The following SCAP variants were observed in gnomAD, a reference collection of about 807,000 sequenced individuals.
SCAP encodes sterol regulatory element-binding protein cleavage-activating protein.
A neutral mutation model predicts 123.6 loss-of-function variants in SCAP; 65 were observed. That is an observed-to-expected ratio of 0.53 (90% CI 0.43 to 0.65). The LOEUF (loss-of-function observed/expected upper bound fraction) is 0.65, where lower values mean the gene tolerates loss of function less well. Ranked by LOEUF, SCAP falls within the 30% of genes least tolerant of loss-of-function variation. The pLI is 0.00. For missense variants in SCAP, 1,398 were observed against 1,712.5 expected (o/e 0.82, Z 3.24); for synonymous variants, 740 against 726.3 (o/e 1.02, Z -0.30).
intron 1 of SCAP, among the ~76,000 whole-genome samples, chr3:47,446,183 T>G (rs911259268): frequency 6.6e-6 from 1 of 150,668 alleles, no homozygotes; most frequent in Non-Finnish European, 1.5e-5. Flanking sequence ...AACCTTTTTT[T>G]TTTTTTTTGA....
intron 16 of SCAP, 124 bp downstream of exon 16, chr3:47,418,010 G>A (rs1413290160): frequency 1.8e-5 from 10 of 570,518 alleles, no homozygotes; most frequent in Non-Finnish European, 2.8e-5. Flanking sequence ...GGGGTGGGGG[G>A]AGAGGGGGCC....
intron 21 of SCAP, 84 bp downstream of exon 21, chr3:47,414,488 A>C (rs758398161): frequency 6.3e-5 from 101 of 1,599,132 alleles, no homozygotes; most frequent in Non-Finnish European, 7.9e-5. Flanking sequence ...TGCTTCCTGG[A>C]AGGCCCCTGG....
Position 47,449,710 on chromosome 3 carries a change from G to A in SCAP, c.-98-6619C>T, listed in dbSNP as rs1707175270. ...AGCACACATTTCCAGGTTTGGGGCT[G>A]ACTTTAAGTGCAGGCTGGAAAATAT... is the stretch of plus-strand genomic sequence containing the variant. On this transcript the variant is annotated intron_variant, in intron 1 of 22. Transcript: ENST00000265565. Among the ~76,000 whole-genome samples, 2 of 124,446 alleles carry A rather than the reference G, an allele frequency of 1.6e-5. 1 individual carries two copies. The allele number at this position is 124,446 out of a possible 152,430, so 81.6% of individuals were successfully genotyped here. A position where few individuals can be genotyped will look rare whatever the true frequency, so the allele number is the denominator to read the frequency against.
At chr3:47,430,749 T>C (rs966951206) in intron 3 of SCAP, among the ~76,000 whole-genome samples, 2 of 152,276 alleles carry the variant, frequency 1.3e-5, no homozygotes, top group African/African-American at 4.8e-5. Context: ...AACATGGCCC[T>C]AGACAGCGGT....
intron 7 of SCAP, 29 bp downstream of exon 7, chr3:47,425,968 A>G: frequency 6.2e-7 from 1 of 1,612,880 alleles, no homozygotes; most frequent in East Asian, 2.2e-5. Flanking sequence ...GCTTGGAGAA[A>G]GCCCTCAGCC....
In SCAP at chr3:47,475,826, G is replaced by T; in HGVS notation, c.-126C>A. 3 of 154,970 alleles carry T rather than the reference G, an allele frequency of 1.9e-5. No individual in the cohort carries two copies. The highest frequency in any genetic ancestry group is 1.8e-4 in the South Asian group (1 of 5,630). 9.6% of individuals were successfully genotyped at this position (154,970 alleles called of 1,614,324 possible). On this transcript the variant is annotated 5_prime_UTR_variant, in exon 1 of 23. Transcript: ENST00000265565. ...GTGGTGGCAGCACCTCCCAAGCTGC[G>T]GCGGCGGCGGCGGCGGCGACGGGGG...
At position 47,413,709 on chromosome 3, in the gene SCAP, A is replaced by G; in HGVS notation, c.*145T>C. On this transcript the variant is annotated 3_prime_UTR_variant, in exon 23 of 23. Transcript: ENST00000265565. Reference sequence around the variant, plus strand: ...CTCCCAAAGTGCCTGACAGATGATGATATGGTTTTTTAAAAAAGTTTAATA... The same window carrying G: ...CTCCCAAAGTGCCTGACAGATGATGGTATGGTTTTTTAAAAAAGTTTAATA... 8.9e-7 allele frequency: 1 copy of G among 1,121,610 alleles called. No individual in the cohort carries two copies. The highest frequency in any genetic ancestry group is 1.3e-6 in the Non-Finnish European group (1 of 788,260). 69.5% of individuals were successfully genotyped at this position (1,121,610 alleles called of 1,614,324 possible). A position where few individuals can be genotyped will look rare whatever the true frequency, so the allele number is the denominator to read the frequency against.
At chr3:47,428,182 G>A (rs28580090) in intron 4 of SCAP, among the ~76,000 whole-genome samples, 1,638 of 152,172 alleles carry the variant, frequency 0.011, 33 homozygotes, top group African/African-American at 0.038. Flanking sequence ...CTTGCTTCTC[G>A]TCGGCAGAGA....
intron 1 of SCAP, among the ~76,000 whole-genome samples, chr3:47,452,285 A>G (rs1233035270): frequency 6.6e-6 from 1 of 152,184 alleles, no homozygotes; most frequent in Admixed American, 6.6e-5. Flanking sequence ...GCTACTCAGG[A>G]GACTGAGGTG....
chr3:47,472,160 G>A lies in SCAP; in HGVS notation c.-99+3639C>T, dbSNP rs1325481566. On this transcript the variant is annotated intron_variant, in intron 1 of 22. Transcript: ENST00000265565. ...TAATAATAATTAAATGGGGCCGGGCGCGGTGGCTCACGCCTGTAATCCCAG... is the reference window on the plus strand; with the variant it reads ...TAATAATAATTAAATGGGGCCGGGCACGGTGGCTCACGCCTGTAATCCCAG... Among the ~76,000 whole-genome samples the A allele has an allele frequency of 4.0e-5, 6 of 151,414 alleles. No homozygotes were observed. In the East Asian group the frequency reaches 5.9e-4, roughly 15 times the overall value.
chr3:47,438,654 A>G (rs1206201366), intron 2 of SCAP, among the ~76,000 whole-genome samples: 1 of 152,050 alleles, frequency 6.6e-6, no homozygotes, highest in Non-Finnish European at 1.5e-5. Context: ...TCTTTACTAA[A>G]AAAACAAAAA....
rs1489330746 is a variant in SCAP, at chr3:47,435,141, G to A, written c.123-4C>T. The A allele has an allele frequency of 2.5e-6, 4 of 1,611,080 alleles. No homozygotes were observed. Among genetic ancestry groups the A allele is most frequent in the African/African-American group, 1.3e-5 (1 of 74,730 alleles). ...GGGGAGTTTCAGCAGTGGGTAGCTG[G>A]GATGTACAAAAAGGAGATAAGAATT... On this transcript the variant is annotated splice_polypyrimidine_tract_variant and splice_region_variant and intron_variant, in intron 2 of 22. Coordinates refer to ENST00000265565, the MANE Select transcript of SCAP (RefSeq NM_012235.4).
rs150236966 is a variant in SCAP at position 47,433,534 on chromosome 3, G to C, written c.252+1474C>G. On this transcript the variant is annotated intron_variant, in intron 3 of 22. Coordinates refer to ENST00000265565, the MANE Select transcript of SCAP (RefSeq NM_012235.4). ...GGGCCAAATGAACTCTCCTAGTCAG[G>C]AAACACAAATATTCCCTTATGTGCT... is the stretch of plus-strand genomic sequence containing the variant. 6.5e-3 allele frequency among the ~76,000 whole-genome samples: 991 copies of C among 152,260 alleles called. 8 individuals are homozygous for C. The highest frequency in any genetic ancestry group is 0.011 in the Non-Finnish European group (729 of 68,016).
chr3:47,419,288 C>T lies in SCAP; in HGVS notation c.1940+40G>A, dbSNP rs1315512895. 2 of 1,572,496 alleles carry T rather than the reference C, an allele frequency of 1.3e-6. No homozygotes were observed. The highest frequency in any genetic ancestry group is 1.7e-6 in the Non-Finnish European group (2 of 1,157,094). ...TTGGGGAAAGGGGATGGTGAGTTGA[C>T]ACCATCGAGTGAGGTGGCACCTGGC... On this transcript the variant is annotated intron_variant, in intron 13 of 22. Coordinates refer to ENST00000265565, the MANE Select transcript of SCAP (RefSeq NM_012235.4). This position sits in a 1 kb window ranked among gnomAD's most constrained non-coding sequence, Gnocchi z 5.0.
At chr3:47,461,261 T>TGTATGTATGAATGA (rs1463339025) in intron 1 of SCAP, among the ~76,000 whole-genome samples, 1 of 152,230 alleles carries the variant, frequency 6.6e-6, no homozygotes, top group East Asian at 1.9e-4. Flanking sequence ...ATCTACATGG[T>TGTATGTATGAATGA]GCTCATTCCC....
Position 47,419,278 on chromosome 3 carries a change from G to A in SCAP, c.1940+50C>T, listed in dbSNP as rs777888657. ...GCCTCCTGCATTGGGGAAAGGGGAT[G>A]GTGAGTTGACACCATCGAGTGAGGT... is the stretch of plus-strand genomic sequence containing the variant. On this transcript the variant is annotated intron_variant, in intron 13 of 22. Transcript: ENST00000265565. This position sits in a 1 kb window ranked among gnomAD's most constrained non-coding sequence, Gnocchi z 5.0. The A allele has an allele frequency of 1.3e-5, 20 of 1,561,564 alleles. No homozygotes were observed. The highest frequency in any genetic ancestry group is 3.6e-5 in the South Asian group (3 of 82,822).
At chr3:47,441,551 T>A (rs2107905506) in intron 2 of SCAP, among the ~76,000 whole-genome samples, 1 of 152,234 alleles carries the variant, frequency 6.6e-6, no homozygotes, top group Non-Finnish European at 1.5e-5. Flanking sequence ...CTTAGAGCAC[T>A]CCAAATTCAT....
intron 1 of SCAP, among the ~76,000 whole-genome samples, chr3:47,445,624 T>C (rs1707005505): frequency 6.6e-6 from 1 of 151,948 alleles, no homozygotes; most frequent in African/African-American, 2.4e-5. Flanking sequence ...CAGGCTGGAG[T>C]GCAGCAGCGC....
intron 1 of SCAP, among the ~76,000 whole-genome samples, chr3:47,471,243 A>C (rs1708014850): frequency 6.6e-6 from 1 of 152,216 alleles, no homozygotes; most frequent in African/African-American, 2.4e-5. Context: ...CAACAGTATA[A>C]AAAATAAAAT....
Sources: gnomAD v4.1 joint callset for allele counts (sites outside exome capture counted in the v4.1 genomes callset) on GRCh38, gnomAD v4.1.1 for gene constraint, Gnocchi (gnomAD v3.1) non-coding constraint, MANE v1.5 for transcripts, NCBI Gene and HGNC (gene_info 2026-07-23, HGNC 2026-07-21) for gene names.